Variants in TJP1 observed in about 807,000 individuals in gnomAD.
TJP1 encodes tight junction protein 1.
A neutral mutation model predicts 194.2 loss-of-function variants in TJP1; 43 were observed. That is an observed-to-expected ratio of 0.22 (90% CI 0.17 to 0.29). The LOEUF (loss-of-function observed/expected upper bound fraction) is 0.29. Ranked by LOEUF, TJP1 falls within the 10% of genes least tolerant of loss-of-function variation. The pLI, the probability that TJP1 is intolerant of heterozygous loss-of-function variation, is 1.00. For missense variants in TJP1, 1,971 were observed against 2,185.7 expected (o/e 0.90, Z 1.96); for synonymous variants, 801 against 779.0 (o/e 1.03, Z -0.47).
At chr15:29,949,589 T>A (rs1341231078) in intron 2 of TJP1, among the ~76,000 whole-genome samples, 12 of 49,662 alleles carry the variant, frequency 2.4e-4, no homozygotes, top group African/African-American at 2.8e-4. Context: ...CACCTCCACC[T>A]CCACAACCAC....
intron 1 of TJP1, among the ~76,000 whole-genome samples, chr15:29,808,575 C>T (rs976943898): frequency 2.0e-5 from 3 of 152,130 alleles, no homozygotes; most frequent in African/African-American, 7.2e-5. Context: ...TGCTTCCATC[C>T]ATCCATATGC....
intron 2 of TJP1, among the ~76,000 whole-genome samples, chr15:29,923,030 A>C (rs978481230): frequency 1.3e-5 from 2 of 152,170 alleles, no homozygotes; most frequent in Non-Finnish European, 2.9e-5. Flanking sequence ...TCACACTGCA[A>C]ATCACCACAG....
At chr15:29,734,488 C>CTT (rs11398830) in intron 11 of TJP1, 106 bp from the exon 12 acceptor site, 37,713 of 550,774 alleles carry the variant, frequency 0.068, no homozygotes, top group East Asian at 0.085. Flanking sequence ...AATATCACAT[C>CTT]TTTTTTTTTT....
At chr15:29,799,028 G>C (rs1179912057) in intron 2 of TJP1, among the ~76,000 whole-genome samples, 1 of 152,304 alleles carries the variant, frequency 6.6e-6, no homozygotes, top group East Asian at 1.9e-4. Flanking sequence ...TAGGTGTTAA[G>C]AGAAAGTTTT....
At chr15:29,949,464 C>CCTT (rs1176767909) in intron 2 of TJP1, among the ~76,000 whole-genome samples, 8 of 123,916 alleles carry the variant, frequency 6.5e-5, no homozygotes, top group African/African-American at 1.3e-4. Flanking sequence ...ACCACTTCCA[C>CCTT]CACCACCACC....
rs376221797 is a variant in TJP1, at chr15:29,710,870, C to T, written c.4333G>A (p.Ala1445Thr). ...YAQPSQPVTS[A>T]SLHIHSKGAH... ...CCCTTAGAATGTATGTGGAGAGACGCGCTGGTGACAGGCTGAGATGGCTGG... is the reference window on the plus strand; with the variant it reads ...CCCTTAGAATGTATGTGGAGAGACGTGCTGGTGACAGGCTGAGATGGCTGG... The change falls in exon 24 of 28, where the codon GCG (alanine) becomes ACG (threonine). Residue 1445 changes from alanine (A) to threonine (T), a missense_variant. Ala to Thr is a moderately conservative substitution (Grantham distance 58). Coordinates refer to ENST00000614355, the MANE Select transcript of TJP1 (RefSeq NM_001330239.4). 9.3e-6 allele frequency: 15 copies of T among 1,613,944 alleles called. No individual in the cohort carries two copies. Among genetic ancestry groups the T allele is most frequent in the South Asian group, 3.3e-5 (3 of 91,086 alleles).
rs561845175 is a variant in TJP1, at chr15:29,716,670, G to C, written c.4143C>G (p.Ser1381=). 1.2e-6 allele frequency: 2 copies of C among 1,614,046 alleles called. No homozygotes were observed. Among genetic ancestry groups the C allele is most frequent in the Admixed American group, 1.7e-5 (1 of 60,014 alleles). ...GAGAATGCGCTGGCTTTGCAGGCTCGGAGAGATGGCTGGCGGCAATGTGTG... is the reference window on the plus strand; with the variant it reads ...GAGAATGCGCTGGCTTTGCAGGCTCCGAGAGATGGCTGGCGGCAATGTGTG... The part of the protein sequence containing the change: ...PPAHIAASHL[S]EPAKPAHSQN... The change falls in exon 23 of 28, where the codon TCC becomes TCG. Residue 1381 remains serine (S), a synonymous_variant. Coordinates refer to ENST00000614355, the MANE Select transcript of TJP1 (RefSeq NM_001330239.4).
intron 2 of TJP1, among the ~76,000 whole-genome samples, chr15:29,838,620 G>C (rs1596077787): frequency 6.6e-6 from 1 of 151,976 alleles, no homozygotes; most frequent in East Asian, 1.9e-4. Flanking sequence ...GTCTGTGTGT[G>C]TGTGTGTGTG....
At chr15:29,835,239 T>C (rs1211299124) in intron 2 of TJP1, among the ~76,000 whole-genome samples, 3 of 152,230 alleles carry the variant, frequency 2.0e-5, no homozygotes, top group Non-Finnish European at 2.9e-5. Context: ...ATACTTTGTT[T>C]CCATGAAAAG....
At chr15:29,728,721 A>G (rs1368153908) in intron 15 of TJP1, 1 of 152,194 alleles carries the variant, frequency 6.6e-6, no homozygotes, top group Non-Finnish European at 1.5e-5. Context: ...GGAAAGGAAG[A>G]GCTTTGGTGT....
intron 1 of TJP1, among the ~76,000 whole-genome samples, chr15:29,811,557 G>A (rs548939065): frequency 6.6e-6 from 1 of 152,138 alleles, no homozygotes; most frequent in Admixed American, 6.5e-5. Flanking sequence ...CACCATACTA[G>A]GTAGACATCC....
At chr15:29,799,726 T>C (rs1328537778) in intron 2 of TJP1, among the ~76,000 whole-genome samples, 1 of 152,166 alleles carries the variant, frequency 6.6e-6, no homozygotes, top group Non-Finnish European at 1.5e-5. Flanking sequence ...AAAACAACTA[T>C]TTTTTAATAA....
chr15:29,709,796 T>C (rs912367983), intron 24 of TJP1, among the ~76,000 whole-genome samples: 2 of 152,136 alleles, frequency 1.3e-5, no homozygotes, highest in African/African-American at 4.8e-5. Context: ...AGAGGTCCAA[T>C]TTCACCACTT....
chr15:29,957,807 C>T (rs1304721219), intron 1 of TJP1, among the ~76,000 whole-genome samples: 1 of 152,306 alleles, frequency 6.6e-6, no homozygotes, highest in African/African-American at 2.4e-5. Context: ...ATGGGAGTTT[C>T]CTACATGCTG....
chr15:29,913,515 AAGG>A (rs533409445), intron 2 of TJP1, among the ~76,000 whole-genome samples: 9 of 152,202 alleles, frequency 5.9e-5, no homozygotes, highest in Admixed American at 2.0e-4. Context: ...TTAGCTACTG[AAGG>A]AGTTCATAAC....
intron 27 of TJP1, 56 bp downstream of exon 27, chr15:29,704,106 G>A: frequency 6.6e-7 from 1 of 1,524,830 alleles, no homozygotes; most frequent in Non-Finnish European, 8.9e-7. Context: ...ATCAGCCCAG[G>A]TATTAATCAA....
intron 2 of TJP1, among the ~76,000 whole-genome samples, chr15:29,933,429 G>A (rs1045846955): frequency 8.5e-5 from 13 of 152,162 alleles, no homozygotes; most frequent in Non-Finnish European, 1.9e-4. Flanking sequence ...AATTAGATAG[G>A]TAGGAGGAGA....
chr15:29,725,495 A>G (rs751954652), intron 18 of TJP1, among the ~76,000 whole-genome samples: 1 of 152,144 alleles, frequency 6.6e-6, no homozygotes, highest in Non-Finnish European at 1.5e-5. Context: ...AGTACAAAGA[A>G]CAAAATAAAA....
At chr15:29,805,590 C>CA (rs1321078563) in intron 1 of TJP1, among the ~76,000 whole-genome samples, 1 of 151,728 alleles carries the variant, frequency 6.6e-6, no homozygotes, top group African/African-American at 2.4e-5. Context: ...TTGGGGAGGC[C>CA]AAAAAAAGGT....
Sources: gnomAD v4.1 joint callset for allele counts (sites outside exome capture counted in the v4.1 genomes callset) on GRCh38, gnomAD v4.1.1 for gene constraint, MANE v1.5 for transcripts, NCBI Gene and HGNC (gene_info 2026-07-23, HGNC 2026-07-21) for gene names.